SDK1: variants seen among roughly 807,000 people sequenced by gnomAD.
SDK1 encodes the protein protein sidekick-1.
A neutral mutation model predicts 245.5 loss-of-function variants in SDK1; 157 were observed. The ratio of observed to expected loss-of-function variants is 0.64; its 90% CI spans 0.56 to 0.73. The LOEUF is 0.73. SDK1 is among the 30% of genes least tolerant of loss of function. The probability of loss-of-function intolerance (pLI) is 0.00; values close to 1 mark genes in which losing one functional copy is unlikely to be tolerated. For missense variants in SDK1, 3,583 were observed against 3,002.3 expected (o/e 1.19, Z -4.52); for synonymous variants, 1,647 against 1,278.5 (o/e 1.29, Z -6.15).
intron 20 of SDK1, among the ~76,000 whole-genome samples, chr7:4,072,859 G>A (rs1042617764): frequency 4.6e-5 from 7 of 152,178 alleles, no homozygotes; most frequent in Non-Finnish European, 7.3e-5. Flanking sequence ...ATTTTAATTC[G>A]AGGCCTGGAA....
chr7:3,764,099 A>G (rs771540592), intron 4 of SDK1, among the ~76,000 whole-genome samples: 2 of 152,204 alleles, frequency 1.3e-5, no homozygotes, highest in African/African-American at 2.4e-5. Context: ...AGCTATGAGT[A>G]GTATTGTTAT....
chr7:3,496,889 G>C (rs114634148), intron 1 of SDK1, among the ~76,000 whole-genome samples: 1 of 152,284 alleles, frequency 6.6e-6, no homozygotes, highest in Middle Eastern at 3.4e-3. Context: ...AGTGCTTGAC[G>C]TGATCAGATG....
intron 1 of SDK1, among the ~76,000 whole-genome samples, chr7:3,485,734 G>A (rs1781674513): frequency 1.2e-5 from 1 of 86,004 alleles, no homozygotes; most frequent in Admixed American, 1.7e-4. Context: ...TTTCTCTCTG[G>A]TAATTTTTAA....
chr7:3,794,356 A>G (rs1055335800), intron 4 of SDK1, among the ~76,000 whole-genome samples: 1 of 151,818 alleles, frequency 6.6e-6, no homozygotes, highest in African/African-American at 2.4e-5. Context: ...AAATAGGAAG[A>G]AAAAAAAGGC....
At chr7:3,986,260 T>G (rs1783819634) in intron 13 of SDK1, among the ~76,000 whole-genome samples, 1 of 152,204 alleles carries the variant, frequency 6.6e-6, no homozygotes, top group African/African-American at 2.4e-5. Flanking sequence ...GCATTTCCAT[T>G]TCATAGCCTT....
chr7:3,548,504 T>C (rs1779301779), intron 1 of SDK1, among the ~76,000 whole-genome samples: 1 of 152,202 alleles, frequency 6.6e-6, no homozygotes, highest in Non-Finnish European at 1.5e-5. Context: ...CATTTGACTT[T>C]TTATTTTTTG....
intron 38 of SDK1, among the ~76,000 whole-genome samples, chr7:4,218,800 C>G (rs1231496718): frequency 6.6e-6 from 1 of 152,054 alleles, no homozygotes; most frequent in African/African-American, 2.4e-5. Context: ...CTGGAAGTAC[C>G]ACACCTTGAT....
intron 1 of SDK1, among the ~76,000 whole-genome samples, chr7:3,586,557 T>C (rs1360591522): frequency 6.6e-6 from 1 of 150,440 alleles, no homozygotes; most frequent in Non-Finnish European, 1.5e-5. Context: ...AAAAAAAAAT[T>C]AGCTGGGCAT....
At chr7:4,038,052 C>T (rs897835301) in intron 17 of SDK1, among the ~76,000 whole-genome samples, 1 of 152,226 alleles carries the variant, frequency 6.6e-6, no homozygotes, top group African/African-American at 2.4e-5. Flanking sequence ...GGCACATAGG[C>T]TGCCCAGCTC....
chr7:3,967,934 G>C (rs141233960), intron 10 of SDK1, among the ~76,000 whole-genome samples: 2 of 152,202 alleles, frequency 1.3e-5, no homozygotes, highest in Non-Finnish European at 2.9e-5. Context: ...AGGATAAATA[G>C]GACAGACAAG....
intron 38 of SDK1, among the ~76,000 whole-genome samples, chr7:4,213,223 C>A (rs532105884): frequency 3.3e-5 from 5 of 152,060 alleles, no homozygotes; most frequent in African/African-American, 1.2e-4. Context: ...ACCAGCCTGG[C>A]CAAGATGGTG....
chr7:4,061,674 T>G (rs1199086993), intron 19 of SDK1, among the ~76,000 whole-genome samples: 1 of 152,084 alleles, frequency 6.6e-6, no homozygotes, highest in Non-Finnish European at 1.5e-5. Flanking sequence ...TATAAAGACA[T>G]ATGCACACGT....
chr7:3,785,145 G>T (rs1022701644), intron 4 of SDK1, among the ~76,000 whole-genome samples: 1 of 152,080 alleles, frequency 6.6e-6, no homozygotes, highest in African/African-American at 2.4e-5. Flanking sequence ...CTGTGAATCT[G>T]AAACAATAAC....
At chr7:3,509,288 A>C (rs1251781263) in intron 1 of SDK1, among the ~76,000 whole-genome samples, 2 of 152,154 alleles carry the variant, frequency 1.3e-5, no homozygotes, top group East Asian at 1.9e-4. Flanking sequence ...CTGGATTTCT[A>C]ATATTCATGA....
At chr7:3,751,877 C>A (rs1305689272) in intron 4 of SDK1, among the ~76,000 whole-genome samples, 1 of 152,160 alleles carries the variant, frequency 6.6e-6, no homozygotes, top group East Asian at 1.9e-4. Context: ...CTTTCTTTTT[C>A]TCATTCCGTG....
intron 5 of SDK1, among the ~76,000 whole-genome samples, chr7:3,911,863 G>T (rs1300620452): frequency 6.6e-6 from 1 of 152,172 alleles, no homozygotes. Context: ...ATAATCTAGT[G>T]CAGGGTGCAA....
In SDK1 at chr7:3,728,450, C is replaced by G. The variant is rs78046992; in HGVS notation, c.713+86345C>G. Among the ~76,000 whole-genome samples the G allele has an allele frequency of 6.4e-3, 976 of 152,290 alleles. 15 individuals are homozygous for G. Among genetic ancestry groups the G allele is most frequent in the African/African-American group, 0.022 (906 of 41,558 alleles). On this transcript the variant is annotated intron_variant, in intron 4 of 44. Transcript: ENST00000404826. Reference sequence around the variant, plus strand: ...TCACCACCTCTTAGCTGAGTGACTCCCTCTGTGATTCCATCACATCTCACA... The same window carrying G: ...TCACCACCTCTTAGCTGAGTGACTCGCTCTGTGATTCCATCACATCTCACA...
intron 13 of SDK1, among the ~76,000 whole-genome samples, chr7:3,975,557 A>G (rs1281959382): frequency 6.6e-6 from 1 of 152,258 alleles, no homozygotes; most frequent in Non-Finnish European, 1.5e-5. Context: ...TGAGGGGATT[A>G]AAAATGAAAA....
intron 5 of SDK1, among the ~76,000 whole-genome samples, chr7:3,933,111 A>G (rs1780037812): frequency 1.3e-5 from 2 of 148,152 alleles, no homozygotes; most frequent in South Asian, 4.3e-4. Flanking sequence ...CCGGCGGGAA[A>G]TGCTCCTGGA....
Sources: gnomAD v4.1 joint callset for allele counts (sites outside exome capture counted in the v4.1 genomes callset) on GRCh38, gnomAD v4.1.1 for gene constraint, MANE v1.5 for transcripts, NCBI Gene and HGNC (gene_info 2026-07-23, HGNC 2026-07-21) for gene names.